Variants in RIMS2 observed in about 807,000 individuals in gnomAD.
RIMS2 encodes the protein regulating synaptic membrane exocytosis 2.
Under a neutral mutation model 174.4 loss-of-function variants are expected in RIMS2, and 59 were observed. The ratio of observed to expected loss-of-function variants is 0.34; its 90% confidence interval spans 0.27 to 0.42. The LOEUF (loss-of-function observed/expected upper bound fraction) is 0.42, where lower values mean the gene tolerates loss of function less well. RIMS2 is among the 10% of genes least tolerant of loss of function. RIMS2 has a pLI of 1.00. For synonymous variants in RIMS2, 606 were observed against 572.5 expected, an observed-to-expected ratio of 1.06 and a Z score of -0.84; for missense variants, 1,620 against 1,666.3, an observed-to-expected ratio of 0.97 and a Z score of 0.48.
chr8:104,086,280 T>TG (rs2097536223), intron 19 of RIMS2, among the ~76,000 whole-genome samples: 1 of 150,660 alleles, frequency 6.6e-6, no homozygotes, highest in South Asian at 2.1e-4. Flanking sequence ...TTTTTTTTTT[T>TG]TTTTTTTGAG....
intron 3 of RIMS2, among the ~76,000 whole-genome samples, chr8:103,840,273 C>T (rs1375576172): frequency 1.3e-5 from 2 of 152,166 alleles, no homozygotes; most frequent in Admixed American, 1.3e-4. Context: ...CAGTTTGTGG[C>T]TATCATGATA....
At chr8:103,739,895 T>C (rs531066915) in intron 2 of RIMS2, among the ~76,000 whole-genome samples, 2 of 152,298 alleles carry the variant, frequency 1.3e-5, no homozygotes, top group South Asian at 2.1e-4. Context: ...CTTTGTACCA[T>C]AGACTAAGTC....
chr8:104,195,340 C>G (rs1471676747), intron 19 of RIMS2, among the ~76,000 whole-genome samples: 1 of 152,014 alleles, frequency 6.6e-6, no homozygotes. Flanking sequence ...GGTGCTGTCA[C>G]TGACTAAGTG....
At chr8:103,713,534 A>G (rs1326576888) in intron 2 of RIMS2, among the ~76,000 whole-genome samples, 1 of 152,016 alleles carries the variant, frequency 6.6e-6, no homozygotes, top group Non-Finnish European at 1.5e-5. Flanking sequence ...CCTTTCCCCA[A>G]ATTTTTTTGA....
Position 103,967,385 on chromosome 8 carries a change from G to A in RIMS2, c.2770+6252G>A, listed in dbSNP as rs146718915. On this transcript the variant is annotated intron_variant, in intron 15 of 23. Coordinates refer to ENST00000504942, the Ensembl canonical transcript of RIMS2. The stretch of plus-strand genomic sequence containing the variant: ...TGTTTTGTATTTTTAGTAGAGACAG[G>A]ATTTCTCCATGTTGGTCAGGCTGGT... Among the ~76,000 whole-genome samples the A allele has an allele frequency of 2.1e-3, 318 of 151,686 alleles. 5 individuals are homozygous for A. The highest frequency in any genetic ancestry group is 5.7e-4 in the Non-Finnish European group (39 of 67,904).
At chr8:103,695,237 G>C (rs1289489337) in intron 1 of RIMS2, among the ~76,000 whole-genome samples, 1 of 152,076 alleles carries the variant, frequency 6.6e-6, no homozygotes, top group African/African-American at 2.4e-5. Context: ...GTTTCCTTAG[G>C]TCTCATGAAG....
chr8:103,752,383 G>A (rs139778969), intron 2 of RIMS2, among the ~76,000 whole-genome samples: 139 of 152,274 alleles, frequency 9.1e-4, no homozygotes, highest in East Asian at 6.8e-3. Context: ...GTCAGGTAGC[G>A]TGATGCCTCC....
intron 19 of RIMS2, among the ~76,000 whole-genome samples, chr8:104,156,845 C>T (rs1566740135): frequency 6.6e-6 from 1 of 152,116 alleles, no homozygotes; most frequent in Non-Finnish European, 1.5e-5. Context: ...GCATTCAGAC[C>T]AGGCATACAG....
chr8:104,102,427 G>A (rs895901060), intron 19 of RIMS2, among the ~76,000 whole-genome samples: 1 of 152,086 alleles, frequency 6.6e-6, no homozygotes, highest in Admixed American at 6.5e-5. Flanking sequence ...TCTGAAATAT[G>A]TTTATTTCTC....
intron 19 of RIMS2, among the ~76,000 whole-genome samples, chr8:104,164,994 A>G (rs913360196): frequency 2.0e-5 from 3 of 152,234 alleles, no homozygotes; most frequent in African/African-American, 4.8e-5. Flanking sequence ...GGCATTTCAT[A>G]TAACTAAATA....
chr8:103,649,306 C>G (rs984382152), intron 1 of RIMS2, among the ~76,000 whole-genome samples: 1 of 152,104 alleles, frequency 6.6e-6, no homozygotes, highest in East Asian at 1.9e-4. Flanking sequence ...GCTGAGAGGT[C>G]CCCTGTTAGT....
chr8:103,611,274 T>G (rs1387808767), intron 1 of RIMS2, among the ~76,000 whole-genome samples: 2 of 152,214 alleles, frequency 1.3e-5, no homozygotes, highest in Non-Finnish European at 2.9e-5. Flanking sequence ...TTATACTATG[T>G]CTTGATAGAT....
At chr8:104,135,613 C>CAAAAAAAAAA (rs35163912) in intron 19 of RIMS2, among the ~76,000 whole-genome samples, 3 of 79,688 alleles carry the variant, frequency 3.8e-5, no homozygotes, top group Admixed American at 1.5e-4. Context: ...CTCCCAACCT[C>CAAAAAAAAAA]AAAAAAAAAA....
chr8:103,885,403 A>G (rs2099194138), exon 4 of RIMS2: 1 of 1,612,666 alleles, frequency 6.2e-7, no homozygotes, highest in African/African-American at 1.3e-5. Flanking sequence ...CAATGCCTAG[A>G]TCTCCATCAG....
At chr8:104,079,144 A>G (rs1411797124) in intron 19 of RIMS2, among the ~76,000 whole-genome samples, 1 of 152,160 alleles carries the variant, frequency 6.6e-6, no homozygotes, top group Non-Finnish European at 1.5e-5. Context: ...ATATTATAGA[A>G]CACTGTAGAA....
chr8:103,753,462 G>A (rs1404055509), intron 2 of RIMS2, among the ~76,000 whole-genome samples: 2 of 152,074 alleles, frequency 1.3e-5, no homozygotes, highest in African/African-American at 4.8e-5. Flanking sequence ...AATGAGTTAG[G>A]GGGAGGATTC....
chr8:104,211,451 A>G (rs1474404172), intron 19 of RIMS2, among the ~76,000 whole-genome samples: 1 of 152,164 alleles, frequency 6.6e-6, no homozygotes, highest in Non-Finnish European at 1.5e-5. Flanking sequence ...ACGACTTGTG[A>G]TAAAATTAGA....
intron 3 of RIMS2, among the ~76,000 whole-genome samples, chr8:103,790,312 G>C (rs1290340799): frequency 6.6e-6 from 1 of 152,046 alleles, no homozygotes; most frequent in Non-Finnish European, 1.5e-5. Context: ...TATGTCTCTG[G>C]AGTTGCCTAT....
intron 1 of RIMS2, among the ~76,000 whole-genome samples, chr8:103,619,248 C>A (rs1004974754): frequency 6.7e-6 from 1 of 149,116 alleles, no homozygotes; most frequent in Non-Finnish European, 1.5e-5. Context: ...TTATTAGTGT[C>A]TGTTCTGTAA....
Sources: gnomAD v4.1 joint callset for allele counts (sites outside exome capture counted in the v4.1 genomes callset) on GRCh38, gnomAD v4.1.1 for gene constraint, MANE v1.5 for transcripts, NCBI Gene and HGNC (gene_info 2026-07-23, HGNC 2026-07-21) for gene names.